Variants in EPB41L4A observed in about 807,000 individuals in gnomAD.
EPB41L4A encodes band 4.1-like protein 4A.
In EPB41L4A, 100 loss-of-function variants were observed where a neutral mutation model predicts 108.6. The ratio of observed to expected loss-of-function variants is 0.92; its 90% CI spans 0.78 to 1.09. The LOEUF (loss-of-function observed/expected upper bound fraction) is 1.09. Ranked by LOEUF, EPB41L4A falls within the 50% of genes least tolerant of loss-of-function variation. The pLI, the probability that EPB41L4A is intolerant of heterozygous loss-of-function variation, is 0.00. For synonymous variants in EPB41L4A, 319 were observed against 289.0 expected, an observed-to-expected ratio of 1.10 and a Z score of -1.05; for missense variants, 1,030 against 842.7, an observed-to-expected ratio of 1.22 and a Z score of -2.75.
intron 1 of EPB41L4A, among the ~76,000 whole-genome samples, chr5:112,357,215 A>T (rs1178515785): frequency 6.6e-6 from 1 of 152,236 alleles, no homozygotes; most frequent in Non-Finnish European, 1.5e-5. Flanking sequence ...AATAATTGTC[A>T]TTTTGAGAAA....
At chr5:112,298,790 T>C (rs1851889) in intron 2 of EPB41L4A, among the ~76,000 whole-genome samples, 4,067 of 152,296 alleles carry the variant, frequency 0.027, 180 homozygotes, top group African/African-American at 0.093. Flanking sequence ...CTTTTTCTTG[T>C]TGGTAATTTT....
chr5:112,286,702 A>G (rs1333038479), intron 2 of EPB41L4A, among the ~76,000 whole-genome samples: 1 of 152,102 alleles, frequency 6.6e-6, no homozygotes, highest in Non-Finnish European at 1.5e-5. Context: ...TGGTTCCAGC[A>G]ACCTTCTGTT....
chr5:112,216,569 A>G (rs909333462), intron 12 of EPB41L4A, among the ~76,000 whole-genome samples: 1 of 152,238 alleles, frequency 6.6e-6, no homozygotes, highest in African/African-American at 2.4e-5. Flanking sequence ...TTCAGGTTAA[A>G]TCTTGTCCTA....
At chr5:112,418,860 A>C in intron 1 of EPB41L4A, 81 bp downstream of exon 1, 1 of 1,123,498 alleles carries the variant, frequency 8.9e-7, no homozygotes, top group Non-Finnish European at 1.3e-6. Context: ...CCCTCGACCC[A>C]CCGGTGACAG....
intron 12 of EPB41L4A, among the ~76,000 whole-genome samples, chr5:112,150,830 A>G (rs1218782281): frequency 1.3e-5 from 2 of 152,226 alleles, no homozygotes; most frequent in Non-Finnish European, 2.9e-5. Flanking sequence ...TTAATTTAAA[A>G]TCATGTACCC....
intron 1 of EPB41L4A, among the ~76,000 whole-genome samples, chr5:112,336,252 G>A (rs1211793509): frequency 6.6e-6 from 1 of 152,158 alleles, no homozygotes; most frequent in Admixed American, 6.5e-5. Flanking sequence ...GGATGGGGAG[G>A]GGGCAGTGGA....
chr5:112,362,308 T>C (rs1438236500), intron 1 of EPB41L4A, among the ~76,000 whole-genome samples: 3 of 137,796 alleles, frequency 2.2e-5, no homozygotes, highest in Non-Finnish European at 4.6e-5. Context: ...TGAGATGGAG[T>C]CTCACCCTGT....
intron 1 of EPB41L4A, among the ~76,000 whole-genome samples, chr5:112,406,060 A>C (rs116250419): frequency 0.011 from 1,713 of 152,320 alleles, 34 homozygotes; most frequent in African/African-American, 0.037. Flanking sequence ...TTATCTTCAA[A>C]TAACTGCTGG....
At chr5:112,317,452 C>T (rs948030592) in intron 1 of EPB41L4A, among the ~76,000 whole-genome samples, 1 of 152,212 alleles carries the variant, frequency 6.6e-6, no homozygotes, top group Non-Finnish European at 1.5e-5. Flanking sequence ...AAGGCAGAGA[C>T]TCCAACCCAG....
chr5:112,314,538 A>AAG (rs1561563700), intron 1 of EPB41L4A, among the ~76,000 whole-genome samples: 3 of 111,326 alleles, frequency 2.7e-5, no homozygotes, highest in African/African-American at 1.1e-4. Flanking sequence ...AAAAAAAAAA[A>AAG]GAAAAGAAAT....
intron 1 of EPB41L4A, among the ~76,000 whole-genome samples, chr5:112,418,672 T>C (rs1762866035): frequency 6.6e-6 from 1 of 152,162 alleles, no homozygotes; most frequent in African/African-American, 2.4e-5. Context: ...GAAAACCGGT[T>C]TGGGGAAGAG....
intron 1 of EPB41L4A, among the ~76,000 whole-genome samples, chr5:112,394,947 G>T (rs1056203388): frequency 3.3e-5 from 5 of 151,966 alleles, no homozygotes; most frequent in South Asian, 2.1e-4. Context: ...ACCACACATC[G>T]ACAACCATCT....
At chr5:112,268,184 C>G (rs569317042) in intron 4 of EPB41L4A, among the ~76,000 whole-genome samples, 1 of 152,320 alleles carries the variant, frequency 6.6e-6, no homozygotes, top group African/African-American at 2.4e-5. Flanking sequence ...GAGTTCAACA[C>G]CAGCCAGGCC....
At chr5:112,358,973 T>C (rs1356342404) in intron 1 of EPB41L4A, among the ~76,000 whole-genome samples, 2 of 152,144 alleles carry the variant, frequency 1.3e-5, no homozygotes, top group Non-Finnish European at 2.9e-5. Context: ...TTTTATACAA[T>C]GTCAAAATAG....
At chr5:112,386,937 A>G (rs1207435160) in intron 1 of EPB41L4A, among the ~76,000 whole-genome samples, 1 of 151,740 alleles carries the variant, frequency 6.6e-6, no homozygotes. Context: ...CACCGACCTC[A>G]CCACTGACAG....
intron 12 of EPB41L4A, among the ~76,000 whole-genome samples, chr5:112,226,996 G>T (rs1447076597): frequency 1.4e-5 from 2 of 139,744 alleles, no homozygotes; most frequent in African/African-American, 5.1e-5. Context: ...AAAAAAAAAA[G>T]GCTTGGACTA....
intron 1 of EPB41L4A, among the ~76,000 whole-genome samples, chr5:112,326,820 C>T (rs1474196259): frequency 3.3e-5 from 5 of 152,128 alleles, no homozygotes; most frequent in Non-Finnish European, 5.9e-5. Flanking sequence ...CACCATGTAA[C>T]TTCTACATTC....
intron 1 of EPB41L4A, among the ~76,000 whole-genome samples, chr5:112,405,397 T>C (rs1041799940): frequency 6.6e-6 from 1 of 152,132 alleles, no homozygotes; most frequent in African/African-American, 2.4e-5. Context: ...CCACAGAAAT[T>C]GTTGATGATA....
chr5:112,303,590 G>T (rs1277683322), intron 2 of EPB41L4A, among the ~76,000 whole-genome samples: 2 of 152,066 alleles, frequency 1.3e-5, no homozygotes, highest in African/African-American at 4.8e-5. Flanking sequence ...GAAACAAAAA[G>T]AATATAGTGC....
Sources: gnomAD v4.1 joint callset for allele counts (sites outside exome capture counted in the v4.1 genomes callset) on GRCh38, gnomAD v4.1.1 for gene constraint, MANE v1.5 for transcripts, NCBI Gene and HGNC (gene_info 2026-07-23, HGNC 2026-07-21) for gene names.